Variants in LYZL2 observed in about 807,000 individuals in gnomAD.
The protein encoded by LYZL2 is lysozyme like 2.
Under a neutral mutation model 17.1 loss-of-function variants are expected in LYZL2, and 13 were observed. The observed-to-expected ratio is 0.76, with a 90% confidence interval of 0.49 to 1.21. LYZL2 has a LOEUF of 1.21. Among genes scored for constraint, LYZL2 ranks in the 50% most tolerant of loss-of-function variants. LYZL2 has a pLI of 0.00. For missense variants in LYZL2, 166 were observed against 189.2 expected (o/e 0.88, Z 0.72); for synonymous variants, 63 against 74.4 (o/e 0.85, Z 0.79).
At chr10:30,607,249 C>T (rs942463811), downstream of LYZL2, among the ~76,000 whole-genome samples, 5 of 145,826 alleles carry the variant, frequency 3.4e-5, no homozygotes, top group African/African-American at 1.3e-4. Flanking sequence ...AAAATATTTT[C>T]TACCCTACAA....
chr10:30,612,778 G>A (rs747505426), intron 4 of LYZL2, 44 bp downstream of exon 4: 66 of 1,435,724 alleles, frequency 4.6e-5, no homozygotes, highest in Non-Finnish European at 5.6e-5. Flanking sequence ...CACACACTAG[G>A]TTTTGCCCAT....
At chr10:30,618,637 A>T (rs1838572201) in intron 3 of LYZL2, among the ~76,000 whole-genome samples, 1 of 152,240 alleles carries the variant, frequency 6.6e-6, no homozygotes, top group African/African-American at 2.4e-5. Flanking sequence ...AGAAAGCTGA[A>T]ACTGGATCCC....
intron 3 of LYZL2, among the ~76,000 whole-genome samples, chr10:30,622,030 T>C (rs1375125919): frequency 6.6e-6 from 1 of 152,104 alleles, no homozygotes; most frequent in Non-Finnish European, 1.5e-5. Flanking sequence ...ACGTTACATA[T>C]GAAGTGGTGT....
At chr10:30,629,491 G>T (rs1052944775) in intron 1 of LYZL2, 102 bp downstream of exon 1, 3 of 1,141,100 alleles carry the variant, frequency 2.6e-6, no homozygotes, top group South Asian at 3.4e-5. Context: ...AACAAAACCC[G>T]TAGCAATGAT....
At chr10:30,620,323 G>A (rs1001275062) in intron 3 of LYZL2, among the ~76,000 whole-genome samples, 2 of 152,122 alleles carry the variant, frequency 1.3e-5, no homozygotes, top group Admixed American at 6.5e-5. Flanking sequence ...CTTCCCACCC[G>A]CTTATGAGTA....
At chr10:30,629,566 G>C (rs111760642) in intron 1 of LYZL2, 27 bp downstream of exon 1, 23 of 1,609,988 alleles carry the variant, frequency 1.4e-5, no homozygotes, top group Non-Finnish European at 1.6e-5. Context: ...GGGACAGGTG[G>C]CTTCATAAGA....
rs538076312 is a variant in LYZL2 at position 30,622,505 on chromosome 10, C to T, written c.298+3600G>A. On this transcript the variant is annotated intron_variant, in intron 3 of 4. Coordinates refer to ENST00000647634, the MANE Select transcript of LYZL2 (RefSeq NM_183058.3). ...CAGAGGGTGCAATGAGCCAAGATCG[C>T]GCCACTGTACTCCAGCCTGGGCGAC... 2.8e-4 allele frequency among the ~76,000 whole-genome samples: 42 copies of T among 149,462 alleles called. No individual in the cohort carries two copies. In the South Asian group the frequency reaches 8.0e-3, roughly 28 times the overall value.
Position 30,628,482 on chromosome 10 carries a change from C to A in LYZL2, c.-26+1111G>T, listed in dbSNP as rs111374699. On this transcript the variant is annotated intron_variant, in intron 1 of 4. Coordinates refer to ENST00000647634, the MANE Select transcript of LYZL2 (RefSeq NM_183058.3). ...TCTGAAATGGGAGTAGGATCAAGAGCGCTGTCTCCTGCTGCCTACTGATTT... is the reference window on the plus strand; with the variant it reads ...TCTGAAATGGGAGTAGGATCAAGAGAGCTGTCTCCTGCTGCCTACTGATTT... 3.4e-3 allele frequency among the ~76,000 whole-genome samples: 518 copies of A among 152,186 alleles called. 3 individuals carry two copies. The highest frequency in any genetic ancestry group is 0.011 in the African/African-American group (437 of 41,512).
chr10:30,627,841 G>A (rs1045603359), intron 1 of LYZL2, among the ~76,000 whole-genome samples: 5 of 152,180 alleles, frequency 3.3e-5, no homozygotes, highest in African/African-American at 7.2e-5. Context: ...TGAAATACAC[G>A]TGGACCTGAA....
chr10:30,619,507 A>T (rs1182983254), intron 3 of LYZL2, among the ~76,000 whole-genome samples: 1 of 152,146 alleles, frequency 6.6e-6, no homozygotes, highest in Non-Finnish European at 1.5e-5. Flanking sequence ...ATAAAAAAGG[A>T]TGAGTTCATG....
chr10:30,607,786 C>T (rs1452375224), downstream of LYZL2, among the ~76,000 whole-genome samples: 1 of 152,132 alleles, frequency 6.6e-6, no homozygotes, highest in Non-Finnish European at 1.5e-5. Flanking sequence ...TGTGAATTTC[C>T]ACCCTTAGAC....
At chr10:30,619,109 A>T (rs1160369198) in intron 3 of LYZL2, among the ~76,000 whole-genome samples, 8 of 152,266 alleles carry the variant, frequency 5.3e-5, no homozygotes, top group Non-Finnish European at 1.0e-4. Flanking sequence ...GAGAAATGCA[A>T]ATCCAAACCA....
intron 4 of LYZL2, among the ~76,000 whole-genome samples, chr10:30,612,410 C>G (rs188619553): frequency 6.6e-6 from 1 of 152,328 alleles, no homozygotes; most frequent in Non-Finnish European, 1.5e-5. Flanking sequence ...CAGACCTGCT[C>G]ACTTTCCTCT....
chr10:30,612,928 G>A (rs747196874), intron 3 of LYZL2, 28 bp from the exon 4 acceptor site: 9 of 1,589,826 alleles, frequency 5.7e-6, no homozygotes, highest in Non-Finnish European at 7.8e-6. Flanking sequence ...ATCAGGGTTA[G>A]GCGAGACTTT....
At chr10:30,624,878 C>T (rs549351501) in intron 3 of LYZL2, among the ~76,000 whole-genome samples, 2 of 152,224 alleles carry the variant, frequency 1.3e-5, no homozygotes, top group East Asian at 3.9e-4. Context: ...AGAGAGATCC[C>T]ATGACAGAAG....
intron 1 of LYZL2, among the ~76,000 whole-genome samples, 183 bp downstream of exon 1, chr10:30,629,410 A>T (rs1350773483): frequency 1.3e-5 from 2 of 151,796 alleles, no homozygotes; most frequent in African/African-American, 4.8e-5. Flanking sequence ...AAAAAAAAAG[A>T]TGCAGAGCTT....
intron 1 of LYZL2, among the ~76,000 whole-genome samples, chr10:30,628,482 C>T (rs111374699): frequency 3.9e-5 from 6 of 152,214 alleles, no homozygotes; most frequent in South Asian, 2.1e-4. Context: ...GGATCAAGAG[C>T]GCTGTCTCCT....
intron 3 of LYZL2, among the ~76,000 whole-genome samples, chr10:30,618,208 C>T (rs1331848933): frequency 6.6e-6 from 1 of 152,196 alleles, no homozygotes; most frequent in Non-Finnish European, 1.5e-5. Flanking sequence ...ATTCCATGTT[C>T]ATGGGTAGGA....
At position 30,611,793 on chromosome 10, in the gene LYZL2, T is replaced by C. The variant is rs1364764112; in HGVS notation, c.*162A>G. The C allele has an allele frequency of 2.4e-6, 3 of 1,274,958 alleles. No homozygotes were observed. Among genetic ancestry groups the C allele is most frequent in the Non-Finnish European group, 3.2e-6 (3 of 924,466 alleles). The allele number at this position is 1,274,958 out of a possible 1,614,324, so 79.0% of individuals were successfully genotyped here. A position where few individuals can be genotyped will look rare whatever the true frequency, so the allele number is the denominator to read the frequency against. On this transcript the variant is annotated 3_prime_UTR_variant, in exon 5 of 5. Coordinates refer to ENST00000647634, the MANE Select transcript of LYZL2 (RefSeq NM_183058.3). Reference sequence around the variant, plus strand: ...AGGGAACCGAGTCAGGGTGAAGACATTTAAATGGAAATATTTATTTTCTTA... The same window carrying C: ...AGGGAACCGAGTCAGGGTGAAGACACTTAAATGGAAATATTTATTTTCTTA...
Sources: gnomAD v4.1 joint callset for allele counts (sites outside exome capture counted in the v4.1 genomes callset) on GRCh38, gnomAD v4.1.1 for gene constraint, MANE v1.5 for transcripts, NCBI Gene and HGNC (gene_info 2026-07-23, HGNC 2026-07-21) for gene names.